Variants in DHX30 observed in about 807,000 individuals in gnomAD.
DHX30 encodes ATP-dependent RNA helicase DHX30.
DHX30 carries 4 observed loss-of-function variants against 116.9 expected under a neutral mutation model. That is an observed-to-expected ratio of 0.03 (90% CI 0.02 to 0.08). The LOEUF (loss-of-function observed/expected upper bound fraction) is 0.08. Ranked by LOEUF, DHX30 falls within the 10% of genes least tolerant of loss-of-function variation. The pLI is 1.00. For synonymous variants in DHX30, 697 were observed against 651.7 expected (o/e 1.07, Z -1.06); for missense variants, 871 against 1,595.1 (o/e 0.55, Z 7.73).
At chr3:47,827,710 C>G (rs1056949902) in intron 5 of DHX30, among the ~76,000 whole-genome samples, 6 of 152,108 alleles carry the variant, frequency 3.9e-5, no homozygotes, top group Admixed American at 3.9e-4. Context: ...AAGACAGGCG[C>G]CTATACGGAT....
intron 2 of DHX30, among the ~76,000 whole-genome samples, chr3:47,809,366 T>C (rs1422437498): frequency 2.0e-5 from 3 of 146,764 alleles, no homozygotes; most frequent in South Asian, 4.5e-4. Flanking sequence ...CTCAGCCTCC[T>C]GAGTAGCTGG....
intron 9 of DHX30, among the ~76,000 whole-genome samples, chr3:47,845,219 G>C (rs530526654): frequency 6.6e-6 from 1 of 152,064 alleles, no homozygotes; most frequent in African/African-American, 2.4e-5. Context: ...ACAGAGTCTC[G>C]CTCTGTCGCC....
intron 6 of DHX30, among the ~76,000 whole-genome samples, chr3:47,829,723 G>T (rs931233348): frequency 6.6e-6 from 1 of 152,064 alleles, no homozygotes; most frequent in Non-Finnish European, 1.5e-5. Context: ...AAAAACTTCC[G>T]ACACACAGCG....
At chr3:47,828,167 A>T (rs752921806) in intron 5 of DHX30, among the ~76,000 whole-genome samples, 4 of 151,936 alleles carry the variant, frequency 2.6e-5, no homozygotes, top group Non-Finnish European at 5.9e-5. Context: ...ATTTTTAAAG[A>T]TAAAGATGGG....
chr3:47,825,306 G>A (rs544816493), intron 4 of DHX30: 29 of 540,970 alleles, frequency 5.4e-5, no homozygotes, highest in African/African-American at 5.2e-4. Context: ...GGATGGCAGA[G>A]CTAGGGGCGC....
intron 6 of DHX30, among the ~76,000 whole-genome samples, chr3:47,837,732 G>A (rs768499469): frequency 3.9e-5 from 6 of 152,344 alleles, no homozygotes; most frequent in Non-Finnish European, 7.3e-5. Context: ...TTGCACTCCA[G>A]CCTGGGTGAC....
rs1042354460 is a variant in DHX30 at position 47,847,150 on chromosome 3, G to A, written c.1930-123G>A. ...GAAACTGGGGACTAACCCTGCCTGC[G>A]TGGCACACGTGAGGATTGGAGTTGA... On this transcript the variant is annotated intron_variant, in intron 11 of 21. Coordinates refer to ENST00000445061, the MANE Select transcript of DHX30 (RefSeq NM_138615.3). The surrounding 1 kb of genome is among the most constrained non-coding windows in gnomAD (Gnocchi z 5.5). 3.1e-5 allele frequency: 46 copies of A among 1,475,960 alleles called. No homozygotes were observed. Among genetic ancestry groups the A allele is most frequent in the South Asian group, 6.0e-5 (5 of 83,210 alleles). 91.4% of individuals were successfully genotyped at this position (1,475,960 alleles called of 1,614,324 possible).
chr3:47,826,470 AGTTTCACTCTT>A (rs1350533974), intron 4 of DHX30, among the ~76,000 whole-genome samples: 31 of 108,954 alleles, frequency 2.8e-4, no homozygotes, highest in African/African-American at 1.1e-3. Context: ...TTTGAGATGG[AGTTTCACTCTT>A]GTTGCCCAGG....
chr3:47,841,228 G>A, intron 7 of DHX30, 50 bp downstream of exon 7: 3 of 1,594,834 alleles, frequency 1.9e-6, no homozygotes, highest in African/African-American at 1.3e-5. Context: ...GCCTTGACAC[G>A]GGGATGGGCG....
At chr3:47,827,596 G>C in intron 5 of DHX30, 119 bp downstream of exon 5, 2 of 1,343,518 alleles carry the variant, frequency 1.5e-6, no homozygotes, top group Non-Finnish European at 2.0e-6. Context: ...GAATTAAAAT[G>C]GTCAGCAGAG....
At chr3:47,825,247 G>A in intron 4 of DHX30, 1 of 606,438 alleles carries the variant, frequency 1.6e-6, no homozygotes, top group Non-Finnish European at 2.9e-6. Context: ...CTTGGTGAAC[G>A]GTGAGGGCAT....
At chr3:47,819,367 C>A in intron 4 of DHX30, 2 of 1,066,994 alleles carry the variant, frequency 1.9e-6, no homozygotes, top group Non-Finnish European at 2.7e-6. Context: ...TGAGCACACG[C>A]GGAGGAGAAC....
chr3:47,838,914 C>T (rs748870587), intron 6 of DHX30, among the ~76,000 whole-genome samples: 1 of 152,128 alleles, frequency 6.6e-6, no homozygotes, highest in Non-Finnish European at 1.5e-5. Flanking sequence ...TGCTCTGTCA[C>T]CCAGGCTGGA....
At chr3:47,817,975 G>C in intron 3 of DHX30, 47 bp from the exon 4 acceptor site, 1 of 780,896 alleles carries the variant, frequency 1.3e-6, no homozygotes, top group Admixed American at 1.7e-5. Context: ...GTCTGTGACT[G>C]TGAGGGGTGA....
intron 4 of DHX30, chr3:47,819,175 C>CA (rs543341083): frequency 1.5e-6 from 2 of 1,352,578 alleles, no homozygotes; most frequent in Non-Finnish European, 2.0e-6. Flanking sequence ...CTACCGTTAC[C>CA]AAAACAAGAG....
chr3:47,814,188 G>T (rs1390243076), intron 3 of DHX30, among the ~76,000 whole-genome samples: 7 of 151,562 alleles, frequency 4.6e-5, no homozygotes, highest in African/African-American at 1.7e-4. Flanking sequence ...ACTTTGGGAG[G>T]CTAAGGTGGG....
chr3:47,841,899 A>G (rs1305597440), intron 8 of DHX30, 162 bp downstream of exon 8: 1 of 1,001,190 alleles, frequency 1.0e-6, no homozygotes, highest in African/African-American at 1.6e-5. Context: ...AGCAGGTGTG[A>G]TGGAATGGAG....
chr3:47,827,930 C>G (rs1447061872), intron 5 of DHX30, among the ~76,000 whole-genome samples: 1 of 152,100 alleles, frequency 6.6e-6, no homozygotes, highest in Non-Finnish European at 1.5e-5. Flanking sequence ...ACAATCATAA[C>G]TCACAGTAAC....
intron 6 of DHX30, among the ~76,000 whole-genome samples, chr3:47,832,466 T>C (rs1352901169): frequency 6.6e-6 from 1 of 152,122 alleles, no homozygotes; most frequent in African/African-American, 2.4e-5. Flanking sequence ...CACACAACCA[T>C]GCCCAGCTAA....
Sources: gnomAD v4.1 joint callset for allele counts (sites outside exome capture counted in the v4.1 genomes callset) on GRCh38, gnomAD v4.1.1 for gene constraint, Gnocchi (gnomAD v3.1) non-coding constraint, MANE v1.5 for transcripts, NCBI Gene and HGNC (gene_info 2026-07-23, HGNC 2026-07-21) for gene names.